CELA2A: variants seen among roughly 807,000 people sequenced by gnomAD.
CELA2A encodes chymotrypsin-like elastase family member 2A.
Under a neutral mutation model 35.3 loss-of-function variants are expected in CELA2A, and 31 were observed. The ratio of observed to expected loss-of-function variants is 0.88; its 90% CI spans 0.66 to 1.19. The LOEUF (loss-of-function observed/expected upper bound fraction) is 1.19. Ranked by LOEUF, CELA2A falls within the 50% of genes most tolerant of loss-of-function variation. The pLI is 0.00. For synonymous variants in CELA2A, 150 were observed against 149.8 expected (o/e 1.00, Z -0.01); for missense variants, 330 against 352.9 (o/e 0.94, Z 0.52).
intron 2 of CELA2A, among the ~76,000 whole-genome samples, chr1:15,460,915 C>T (rs1708424885): frequency 6.6e-6 from 1 of 152,094 alleles, no homozygotes; most frequent in South Asian, 2.1e-4. Flanking sequence ...ATATCTGAGA[C>T]TGGGTAATTT....
At chr1:15,464,229 G>C (rs1437480417) in intron 5 of CELA2A, among the ~76,000 whole-genome samples, 1 of 152,126 alleles carries the variant, frequency 6.6e-6, no homozygotes, top group Non-Finnish European at 1.5e-5. Context: ...CAAGGCTAGA[G>C]TTCAGAACAG....
intron 2 of CELA2A, among the ~76,000 whole-genome samples, chr1:15,458,024 A>T (rs1397391487): frequency 1.3e-5 from 2 of 152,246 alleles, no homozygotes; most frequent in African/African-American, 4.8e-5. Flanking sequence ...TTACATTGAC[A>T]TAAACAAATA....
chr1:15,457,591 CAA>C, intron 2 of CELA2A: 1 of 150,828 alleles, frequency 6.6e-6, no homozygotes, highest in Non-Finnish European at 1.5e-5. Context: ...GCCTGGGCAA[CAA>C]AGCAAGACTC....
intron 6 of CELA2A, among the ~76,000 whole-genome samples, chr1:15,466,460 G>T (rs553890015): frequency 6.6e-6 from 1 of 152,136 alleles, no homozygotes; most frequent in Non-Finnish European, 1.5e-5. Flanking sequence ...TACTCGGGAG[G>T]CTGAGGCAGG....
chr1:15,468,847 A>C (rs1458784213), intron 7 of CELA2A, among the ~76,000 whole-genome samples: 1 of 151,974 alleles, frequency 6.6e-6, no homozygotes, highest in Admixed American at 6.6e-5. Flanking sequence ...CCATGGATAC[A>C]CGCAGCAGTA....
intron 7 of CELA2A, among the ~76,000 whole-genome samples, chr1:15,468,410 G>C (rs1708550363): frequency 6.6e-6 from 1 of 152,162 alleles, no homozygotes; most frequent in Admixed American, 6.5e-5. Flanking sequence ...TCTTGTAAAA[G>C]TAAACAACTC....
At chr1:15,457,832 C>T (rs923306001) in intron 2 of CELA2A, among the ~76,000 whole-genome samples, 1 of 152,130 alleles carries the variant, frequency 6.6e-6, no homozygotes, top group Non-Finnish European at 1.5e-5. Flanking sequence ...TTTAAGGAAC[C>T]AATCAGTGCT....
intron 4 of CELA2A, 113 bp downstream of exon 4, chr1:15,462,974 G>A (rs1413985860): frequency 1.8e-5 from 26 of 1,457,660 alleles, no homozygotes; most frequent in African/African-American, 4.2e-5. Flanking sequence ...TCTACAGGGA[G>A]GGGGAAGGAG....
chr1:15,468,652 T>A (rs1451376023), intron 7 of CELA2A, among the ~76,000 whole-genome samples: 1 of 152,004 alleles, frequency 6.6e-6, no homozygotes, highest in African/African-American at 2.4e-5. Flanking sequence ...ACAAAAAAAT[T>A]TTTTTTAATT....
rs771741733 is a variant in CELA2A at position 15,462,803 on chromosome 1, G to A, written c.298G>A (p.Val100Ile). 3.7e-6 allele frequency: 6 copies of A among 1,614,020 alleles called. No individual in the cohort carries two copies. In the South Asian group the frequency reaches 4.4e-5, roughly 12 times the overall value. The change falls in exon 4 of 8, where the codon GTC becomes ATC. Residue 100 changes from valine (V) to isoleucine (I), a missense_variant. Coordinates refer to ENST00000359621, the MANE Select transcript of CELA2A (RefSeq NM_033440.3). Reference protein sequence around the residue: ...LYVAESGSLAVSVSKIVVHKD... With the variant: ...LYVAESGSLAISVSKIVVHKD... The stretch of plus-strand genomic sequence containing the variant: ...CGTTGCGGAGTCCGGCTCGCTGGCA[G>A]TCAGTGTCTCTAAGATTGTGGTGCA...
In CELA2A at chr1:15,463,006, A is replaced by G. The variant is rs534522393; in HGVS notation, c.356+145A>G. 1.5e-4 allele frequency: 190 copies of G among 1,256,642 alleles called. No individual in the cohort carries two copies. The African/African-American group carries it at 2.6e-3, about 17-fold the overall frequency. The allele number at this position is 1,256,642 out of a possible 1,614,324, so 77.8% of individuals were successfully genotyped here. A position where few individuals can be genotyped will look rare whatever the true frequency, so the allele number is the denominator to read the frequency against. ...GGAGCTCTGGCCTCTTAGATGTGGA[A>G]CCAGCTCCAAAGATGTCTGGGGTGG... On this transcript the variant is annotated intron_variant, in intron 4 of 7. Transcript: ENST00000359621.
Position 15,462,758 on chromosome 1 carries a change from C to T in CELA2A, c.253C>T (p.Leu85=), listed in dbSNP as rs558493952. 1.9e-6 allele frequency: 3 copies of T among 1,614,078 alleles called. No individual in the cohort carries two copies. Among genetic ancestry groups the T allele is most frequent in the African/African-American group, 1.3e-5 (1 of 75,042 alleles). Residue 85 remains leucine (L), a synonymous_variant, in exon 4 of 8, where the codon CTG becomes TTG. Coordinates refer to ENST00000359621, the MANE Select transcript of CELA2A (RefSeq NM_033440.3). ...CTCCTCCAGGACCTACCGCGTGGGGCTGGGCCGGCACAACCTCTACGTTGC... is the reference window on the plus strand; with the variant it reads ...CTCCTCCAGGACCTACCGCGTGGGGTTGGGCCGGCACAACCTCTACGTTGC... ...ISSSRTYRVG[L]GRHNLYVAES...
At chr1:15,467,751 A>G (rs998070295) in intron 7 of CELA2A, among the ~76,000 whole-genome samples, 7 of 152,146 alleles carry the variant, frequency 4.6e-5, no homozygotes, top group Non-Finnish European at 7.3e-5. Context: ...AGGAACATAG[A>G]GGGTGGCCTT....
At chr1:15,465,557 AT>A (rs930166069) in intron 5 of CELA2A, among the ~76,000 whole-genome samples, 3 of 152,206 alleles carry the variant, frequency 2.0e-5, no homozygotes, top group Admixed American at 1.3e-4. Flanking sequence ...AAAAAGGGAA[AT>A]TGTTATAAGG....
chr1:15,466,245 C>A, intron 6 of CELA2A, 101 bp downstream of exon 6: 1 of 1,333,516 alleles, frequency 7.5e-7, no homozygotes, highest in Non-Finnish European at 1.0e-6. Flanking sequence ...CACCTCCTGG[C>A]AGAATTACCC....
intron 2 of CELA2A, among the ~76,000 whole-genome samples, chr1:15,458,831 T>C (rs1708394523): frequency 7.0e-6 from 1 of 142,280 alleles, no homozygotes; most frequent in South Asian, 2.3e-4. Context: ...AAGAATCGCT[T>C]GAACCTGGGA....
At chr1:15,465,633 G>C (rs1421870417) in intron 5 of CELA2A, among the ~76,000 whole-genome samples, 4 of 152,204 alleles carry the variant, frequency 2.6e-5, no homozygotes, top group Non-Finnish European at 5.9e-5. Context: ...AGAATCAGGG[G>C]CTGGAAACCT....
In CELA2A at chr1:15,456,765, G is replaced by A. The variant is rs368746546; in HGVS notation, c.12G>A (p.Thr4=). 51 of 1,614,044 alleles carry A rather than the reference G, an allele frequency of 3.2e-5. No homozygotes were observed. The highest frequency in any genetic ancestry group is 8.9e-5 in the East Asian group (4 of 44,900). The part of the protein sequence containing the change: MIR[T]LLLSTLVAGA... ...CCCACGGACACACCATGATAAGGAC[G>A]CTGCTGCTGTCCACTTTGGTGGCTG... Residue 4 remains threonine (T), a synonymous_variant, in exon 1 of 8, where the codon ACG becomes ACA. Transcript: ENST00000359621.
chr1:15,467,305 T>C, intron 6 of CELA2A, 81 bp from the exon 7 acceptor site: 1 of 1,437,012 alleles, frequency 7.0e-7, no homozygotes. Flanking sequence ...AGCAGAACAA[T>C]AGAAATGCAT....
Sources: allele counts gnomAD v4.1 joint callset (sites outside exome capture counted in the v4.1 genomes callset), GRCh38; gene constraint gnomAD v4.1.1; transcripts MANE v1.5; gene names NCBI Gene and HGNC (gene_info 2026-07-23, HGNC 2026-07-21).